NAE1: variants seen among roughly 807,000 people sequenced by gnomAD.
NAE1 encodes NEDD8-activating enzyme E1 regulatory subunit.
A neutral mutation model predicts 88.0 loss-of-function variants in NAE1; 59 were observed. That is an observed-to-expected ratio of 0.67 (90% CI 0.54 to 0.83). NAE1 has a LOEUF of 0.83. NAE1 is among the 40% of genes least tolerant of loss of function. The probability of loss-of-function intolerance (pLI) is 0.00; values close to 1 mark genes in which losing one functional copy is unlikely to be tolerated. For missense variants in NAE1, 554 were observed against 632.8 expected (o/e 0.88, Z 1.34); for synonymous variants, 186 against 208.9 (o/e 0.89, Z 0.95).
chr16:66,826,492 C>G (rs1386302612), intron 3 of NAE1, 31 bp downstream of exon 3: 2 of 1,609,626 alleles, frequency 1.2e-6, no homozygotes, highest in South Asian at 1.1e-5. Flanking sequence ...CCTTCCTTAA[C>G]GTGAATATAT....
chr16:66,821,754 G>GA (rs1960270492), intron 6 of NAE1, among the ~76,000 whole-genome samples, 195 bp from the exon 7 acceptor site: 1 of 152,152 alleles, frequency 6.6e-6, no homozygotes. Flanking sequence ...CAGTCTCAAA[G>GA]AAAGTACATC....
intron 19 of NAE1, among the ~76,000 whole-genome samples, chr16:66,805,015 G>A (rs1959508028): frequency 1.3e-5 from 2 of 152,160 alleles, no homozygotes; most frequent in African/African-American, 4.8e-5. Context: ...AGTAGAGTGA[G>A]GGAGGGAAGT....
chr16:66,822,481 G>A (rs942830161), intron 6 of NAE1, among the ~76,000 whole-genome samples: 3 of 151,932 alleles, frequency 2.0e-5, no homozygotes, highest in Non-Finnish European at 4.4e-5. Context: ...TGAGGCACGA[G>A]AGTTACCTGA....
chr16:66,824,850 T>C lies in NAE1; in HGVS notation c.249+5A>G. 2 of 1,608,870 alleles carry C rather than the reference T, an allele frequency of 1.2e-6. No homozygotes were observed. The highest frequency in any genetic ancestry group is 1.7e-6 in the Non-Finnish European group (2 of 1,176,698). On this transcript the variant is annotated splice_donor_5th_base_variant and intron_variant, in intron 4 of 19. Transcript: ENST00000290810. ...CACATCCAACTATATTCTCTAATTGTTTACCTTGCCGATACTGCTTCTTTG... is the reference window on the plus strand; with the variant it reads ...CACATCCAACTATATTCTCTAATTGCTTACCTTGCCGATACTGCTTCTTTG...
chr16:66,818,576 T>C lies in NAE1; in HGVS notation c.573A>G (p.Glu191=), dbSNP rs769637272. The change falls in exon 8 of 20, where the codon GAA becomes GAG. Residue 191 remains glutamate (E), a synonymous_variant. Coordinates refer to ENST00000290810, the MANE Select transcript of NAE1 (RefSeq NM_003905.4). The part of the protein sequence containing the change: ...EDLRLDKPFP[E]LREHFQSYDL... Reference sequence around the variant, plus strand: ...CATAGGACTGAAAATGTTCTCTCAGTTCAGGAAATGGCTTATCTAGTCGTA... The same window carrying C: ...CATAGGACTGAAAATGTTCTCTCAGCTCAGGAAATGGCTTATCTAGTCGTA... 6 of 1,613,496 alleles carry C rather than the reference T, an allele frequency of 3.7e-6. No homozygotes were observed. Among genetic ancestry groups the C allele is most frequent in the Non-Finnish European group, 5.1e-6 (6 of 1,179,766 alleles).
intron 8 of NAE1, among the ~76,000 whole-genome samples, chr16:66,817,776 T>A (rs543946491): frequency 6.7e-6 from 1 of 148,412 alleles, no homozygotes; most frequent in South Asian, 2.1e-4. Flanking sequence ...CAATCCTAAG[T>A]AAGAAAGGAG....
chr16:66,806,354 A>G (rs936278349), intron 17 of NAE1, among the ~76,000 whole-genome samples: 2 of 152,234 alleles, frequency 1.3e-5, no homozygotes, highest in African/African-American at 4.8e-5. Context: ...TACCCTTTAT[A>G]AAAGTTATTC....
At chr16:66,813,016 G>A (rs977723687) in intron 13 of NAE1, 6 of 152,202 alleles carry the variant, frequency 3.9e-5, no homozygotes, top group African/African-American at 1.5e-4. Flanking sequence ...GTAGAGACAG[G>A]GTTTCACCGT....
In NAE1 at chr16:66,809,086, G is replaced by GA. The variant is rs1343475545; in HGVS notation, c.1151-12dup. The GA allele has an allele frequency of 6.3e-7, 1 of 1,597,908 alleles. No homozygotes were observed. On this transcript the variant is annotated splice_polypyrimidine_tract_variant and intron_variant, in intron 15 of 19. Transcript: ENST00000290810. ...ATGCAGAATTGCTGCCTGAACAGAG[G>GA]AAAGATATTCTGGAAGTAATGACTG...
chr16:66,827,393 CCT>C (rs1230672421), intron 1 of NAE1: 1 of 152,568 alleles, frequency 6.6e-6, no homozygotes, highest in Non-Finnish European at 1.5e-5. Context: ...ATGGTGAAAC[CCT>C]GTCTCTACTA....
Position 66,809,074 on chromosome 16 carries a change from G to T in NAE1, c.1152C>A (p.Cys384Ter). 1 of 1,608,698 alleles carries T rather than the reference G, an allele frequency of 6.2e-7. No individual in the cohort carries two copies. Among genetic ancestry groups the T allele is most frequent in the Non-Finnish European group, 8.5e-7 (1 of 1,176,390 alleles). The change falls in exon 16 of 20, where the codon TGC becomes TGA. Residue 384 changes from cysteine (C) to a stop codon, truncating the protein, a stop_gained and splice_region_variant. Coordinates refer to ENST00000290810, the MANE Select transcript of NAE1 (RefSeq NM_003905.4). LOFTEE classifies it high-confidence loss of function. ...SISEKELKLL[C>*]SNSAFLRVVR... ...CCACTCGAAGAAATGCAGAATTGCT[G>T]CCTGAACAGAGGAAAGATATTCTGG...
chr16:66,803,941 G>A (rs1339602376), intron 19 of NAE1, among the ~76,000 whole-genome samples: 3 of 152,086 alleles, frequency 2.0e-5, no homozygotes, highest in East Asian at 1.9e-4. Context: ...GTTCTAGGCA[G>A]TAGGGATACA....
Position 66,802,923 on chromosome 16 carries a change from T to G in NAE1, c.*86A>C, listed in dbSNP as rs971346493. The G allele has an allele frequency of 1.8e-5, 14 of 798,430 alleles. No individual in the cohort carries two copies. The highest frequency in any genetic ancestry group is 3.0e-5 in the Non-Finnish European group (14 of 471,208). 49.5% of individuals were successfully genotyped at this position (798,430 alleles called of 1,614,324 possible). On this transcript the variant is annotated 3_prime_UTR_variant, in exon 20 of 20. Transcript: ENST00000290810. Reference sequence around the variant, plus strand: ...TATTAAGAAAACAATTTAGCAGCTCTCCTTTAGAATTTTACAGACTAAAGC... The same window carrying G: ...TATTAAGAAAACAATTTAGCAGCTCGCCTTTAGAATTTTACAGACTAAAGC...
In NAE1 at chr16:66,830,942, C is replaced by G; in HGVS notation, c.-43G>C. The G allele has an allele frequency of 1.3e-6, 2 of 1,487,670 alleles. No individual in the cohort carries two copies. The highest frequency in any genetic ancestry group is 1.8e-6 in the Non-Finnish European group (2 of 1,125,748). The allele number at this position is 1,487,670 out of a possible 1,614,324, so 92.2% of individuals were successfully genotyped here. A position where few individuals can be genotyped will look rare whatever the true frequency, so the allele number is the denominator to read the frequency against. The stretch of plus-strand genomic sequence containing the variant: ...GGAAAACAGCCGAGCCCCTGCGGAG[C>G]GCCGCCACCAGCTCCACAAGCGCGC... On this transcript the variant is annotated 5_prime_UTR_variant, in exon 1 of 20. Coordinates refer to ENST00000290810, the MANE Select transcript of NAE1 (RefSeq NM_003905.4).
At chr16:66,810,224 GAA>G in intron 15 of NAE1, 148 bp downstream of exon 15, 2 of 573,582 alleles carry the variant, frequency 3.5e-6, no homozygotes, top group Non-Finnish European at 6.2e-6. Flanking sequence ...ATTATGAGAG[GAA>G]AAAAAAAACC....
intron 11 of NAE1, among the ~76,000 whole-genome samples, chr16:66,816,200 CTG>C (rs1303209220): frequency 1.3e-5 from 2 of 151,608 alleles, no homozygotes; most frequent in Non-Finnish European, 2.9e-5. Context: ...GAGTCTTACT[CTG>C]TTGCCCAGGC....
intron 7 of NAE1, among the ~76,000 whole-genome samples, chr16:66,819,906 C>T (rs1477988340): frequency 1.3e-5 from 2 of 152,204 alleles, no homozygotes; most frequent in Admixed American, 6.5e-5. Flanking sequence ...CACACTCTCT[C>T]TTACTTAGGC....
chr16:66,808,516 C>T lies in NAE1; in HGVS notation c.1330+5G>A. ...TATATCTGGTAATTCAATTGCTATTCTTACCTGGATATCTACCCTGTTGTT... is the reference window on the plus strand; with the variant it reads ...TATATCTGGTAATTCAATTGCTATTTTTACCTGGATATCTACCCTGTTGTT... On this transcript the variant is annotated splice_donor_5th_base_variant and intron_variant, in intron 17 of 19. Coordinates refer to ENST00000290810, the MANE Select transcript of NAE1 (RefSeq NM_003905.4). 2.0e-6 allele frequency: 3 copies of T among 1,527,286 alleles called. No homozygotes were observed. Among genetic ancestry groups the T allele is most frequent in the Non-Finnish European group, 2.7e-6 (3 of 1,109,472 alleles). The allele number at this position is 1,527,286 out of a possible 1,614,324, so 94.6% of individuals were successfully genotyped here.
chr16:66,819,906 C>A (rs1477988340), intron 7 of NAE1, among the ~76,000 whole-genome samples: 1 of 152,204 alleles, frequency 6.6e-6, no homozygotes, highest in Non-Finnish European at 1.5e-5. Flanking sequence ...CACACTCTCT[C>A]TTACTTAGGC....
Sources: allele counts gnomAD v4.1 joint callset (sites outside exome capture counted in the v4.1 genomes callset), GRCh38; gene constraint gnomAD v4.1.1; transcripts MANE v1.5; gene names NCBI Gene and HGNC (gene_info 2026-07-23, HGNC 2026-07-21).